The following SLC5A10 variants were observed in gnomAD, a reference collection of about 807,000 sequenced individuals.
SLC5A10 encodes sodium/mannose cotransporter SLC5A10.
SLC5A10 carries 55 observed loss-of-function variants against 68.9 expected under a neutral mutation model. The observed-to-expected ratio is 0.80, with a 90% CI of 0.64 to 1.00. The LOEUF is 1.00. Ranked by LOEUF, SLC5A10 falls within the 50% of genes least tolerant of loss-of-function variation. The pLI is 0.00. For synonymous variants in SLC5A10, 344 were observed against 344.8 expected, an observed-to-expected ratio of 1.00 and a Z score of 0.02; for missense variants, 732 against 819.3, an observed-to-expected ratio of 0.89 and a Z score of 1.30.
At chr17:19,020,280 C>A in intron 14 of SLC5A10, 45 bp from the exon 15 acceptor site, 2 of 1,613,594 alleles carry the variant, frequency 1.2e-6, no homozygotes, top group Non-Finnish European at 1.7e-6. Flanking sequence ...CCAGGTGTAA[C>A]CTTGTGTCCT....
At chr17:18,990,604 A>G (rs1229712365) in intron 9 of SLC5A10, among the ~76,000 whole-genome samples, 1 of 152,124 alleles carries the variant, frequency 6.6e-6, no homozygotes, top group Non-Finnish European at 1.5e-5. Context: ...CACTCCCCAC[A>G]TTGCCCTCAG....
In SLC5A10 at chr17:18,971,470, G is replaced by A; in HGVS notation, c.846+252G>A. The A allele has an allele frequency of 3.1e-6, 5 of 1,614,048 alleles. No individual in the cohort carries two copies. The highest frequency in any genetic ancestry group is 4.2e-6 in the Non-Finnish European group (5 of 1,180,042). ...GGTGCTTCGACTGAGACAGTTTGGA[G>A]TATGGGATTCCGAAGGGACTCGGAT... On this transcript the variant is annotated intron_variant, in intron 8 of 14. Coordinates refer to ENST00000395645, the MANE Select transcript of SLC5A10 (RefSeq NM_001042450.4). The surrounding 1 kb of genome is among the most constrained non-coding windows in gnomAD (Gnocchi z 5.5).
At chr17:18,995,678 C>T (rs193199693) in intron 9 of SLC5A10, among the ~76,000 whole-genome samples, 111 of 152,202 alleles carry the variant, frequency 7.3e-4, no homozygotes, top group African/African-American at 2.3e-3. Flanking sequence ...GAGGCAGAGG[C>T]GGGTGGATCA....
intron 9 of SLC5A10, among the ~76,000 whole-genome samples, chr17:19,001,440 C>T (rs2152141364): frequency 6.6e-6 from 1 of 152,268 alleles, no homozygotes; most frequent in East Asian, 1.9e-4. Context: ...GCAGTGAGTG[C>T]CCCATCCTGA....
At chr17:19,015,879 G>A (rs1290297098) in intron 11 of SLC5A10, among the ~76,000 whole-genome samples, 1 of 152,216 alleles carries the variant, frequency 6.6e-6, no homozygotes, top group African/African-American at 2.4e-5. Flanking sequence ...GACCGGGGCT[G>A]TGTCTGGAGA....
chr17:19,020,213 G>A lies in SLC5A10; in HGVS notation c.1684+1G>A. 3 of 1,613,796 alleles carry A rather than the reference G, an allele frequency of 1.9e-6. No individual in the cohort carries two copies. Among genetic ancestry groups the A allele is most frequent in the Non-Finnish European group, 2.5e-6 (3 of 1,179,936 alleles). ...GATGTGCCCTTGGGAACTAAAGCAG[G>A]TAAGTGGATGACCCTAGGCACTCCT... On this transcript the variant is annotated splice_donor_variant, in intron 14 of 14. Coordinates refer to ENST00000395645, the MANE Select transcript of SLC5A10 (RefSeq NM_001042450.4). LOFTEE classifies it high-confidence loss of function.
chr17:18,967,282 TCCTGCCGTTCCTGCA>T (rs1335105687), intron 5 of SLC5A10, among the ~76,000 whole-genome samples: 1 of 152,152 alleles, frequency 6.6e-6, no homozygotes. Context: ...ACACCCTTGC[TCCTGCCGTTCCTGCA>T]CCTGCGGGAC....
Position 18,968,604 on chromosome 17 carries a change from T to C in SLC5A10, c.454-448T>C, listed in dbSNP as rs570530421. 9.9e-4 allele frequency among the ~76,000 whole-genome samples: 150 copies of C among 151,930 alleles called. No homozygotes were observed. The highest frequency in any genetic ancestry group is 3.4e-3 in the African/African-American group (139 of 41,184). On this transcript the variant is annotated intron_variant, in intron 5 of 14. Transcript: ENST00000395645. This position sits in a 1 kb window ranked among gnomAD's most constrained non-coding sequence, Gnocchi z 4.1. ...GGCAGGAAGCAAGGCTGCCCCTCTGTTTCCTGGTCCGCCCAGCACACACTT... is the reference window on the plus strand; with the variant it reads ...GGCAGGAAGCAAGGCTGCCCCTCTGCTTCCTGGTCCGCCCAGCACACACTT...
chr17:19,003,480 T>G lies in SLC5A10; in HGVS notation c.983-9930T>G, dbSNP rs2043785858. ...CCTGTATTGAGAGGGGTCCGGTGGCTGGTTGGGCCATGGCTCCAGGAGTCC... is the reference window on the plus strand; with the variant it reads ...CCTGTATTGAGAGGGGTCCGGTGGCGGGTTGGGCCATGGCTCCAGGAGTCC... On this transcript the variant is annotated intron_variant, in intron 9 of 14. Transcript: ENST00000395645. The surrounding 1 kb of genome is among the most constrained non-coding windows in gnomAD (Gnocchi z 4.5). 6.7e-7 allele frequency: 1 copy of G among 1,501,204 alleles called. No homozygotes were observed. The highest frequency in any genetic ancestry group is 2.4e-5 in the East Asian group (1 of 42,340). The allele number at this position is 1,501,204 out of a possible 1,614,324, so 93.0% of individuals were successfully genotyped here.
chr17:19,016,639 G>A (rs1230868790), intron 11 of SLC5A10, among the ~76,000 whole-genome samples: 1 of 152,140 alleles, frequency 6.6e-6, no homozygotes, highest in Non-Finnish European at 1.5e-5. Flanking sequence ...GCGGGTGCGA[G>A]TGAGCTCATC....
At chr17:18,990,340 G>T (rs2043383628) in intron 9 of SLC5A10, among the ~76,000 whole-genome samples, 1 of 152,084 alleles carries the variant, frequency 6.6e-6, no homozygotes, top group South Asian at 2.1e-4. Context: ...GGGCAGGGGT[G>T]TGTGGTGGTA....
rs1597895482 is a variant in SLC5A10 at position 19,003,628 on chromosome 17, G to A, written c.983-9782G>A. 6 of 1,612,244 alleles carry A rather than the reference G, an allele frequency of 3.7e-6. No homozygotes were observed. Among genetic ancestry groups the A allele is most frequent in the Middle Eastern group, 1.7e-4 (1 of 6,060 alleles). ...CCCGGGTCACGCCGCGGTAGGCGAT[G>A]GTGTCGGGCCAGCCCAGGTCCAGCT... On this transcript the variant is annotated intron_variant, in intron 9 of 14. Coordinates refer to ENST00000395645, the MANE Select transcript of SLC5A10 (RefSeq NM_001042450.4). The surrounding 1 kb of genome is among the most constrained non-coding windows in gnomAD (Gnocchi z 4.5).
chr17:18,978,900 C>A, intron 9 of SLC5A10: 1 of 1,590,816 alleles, frequency 6.3e-7, no homozygotes, highest in Non-Finnish European at 8.6e-7. Flanking sequence ...CTGCTTCCTC[C>A]GCCCAGCCCC....
intron 9 of SLC5A10, among the ~76,000 whole-genome samples, chr17:18,980,833 C>CCTGAGGT (rs982874666): frequency 2.6e-5 from 4 of 152,124 alleles, no homozygotes; most frequent in African/African-American, 9.7e-5. Flanking sequence ...ACTCAGGAGG[C>CCTGAGGT]CTGAGGTCAG....
Position 19,019,750 on chromosome 17 carries a change from G to T in SLC5A10, c.1448G>T (p.Gly483Val). 1 of 1,612,284 alleles carries T rather than the reference G, an allele frequency of 6.2e-7. No individual in the cohort carries two copies. The highest frequency in any genetic ancestry group is 8.5e-7 in the Non-Finnish European group (1 of 1,179,738). Residue 483 changes from glycine (G) to valine (V), a missense_variant, in exon 13 of 15, where the codon GGG becomes GTG. Coordinates refer to ENST00000395645, the MANE Select transcript of SLC5A10 (RefSeq NM_001042450.4). ...FWGLIAGLVVGATRLVLEFLN... is the reference protein window; with the variant it reads ...FWGLIAGLVVVATRLVLEFLN... ...GGCCTGATAGCAGGGCTGGTGGTGG[G>T]GGCCACGAGGCTGGTCCTGGAATTC...
At chr17:18,995,125 A>G (rs1200063009) in intron 9 of SLC5A10, among the ~76,000 whole-genome samples, 1 of 152,242 alleles carries the variant, frequency 6.6e-6, no homozygotes, top group Non-Finnish European at 1.5e-5. Context: ...ATTAAAAATT[A>G]CCAGACACAC....
At chr17:19,008,949 C>T (rs749613635) in intron 9 of SLC5A10, among the ~76,000 whole-genome samples, 17 of 151,796 alleles carry the variant, frequency 1.1e-4, no homozygotes, top group Non-Finnish European at 2.5e-4. Flanking sequence ...GTAGCTGGGA[C>T]TACAGGTGCG....
chr17:18,978,506 T>A, intron 9 of SLC5A10: 3 of 1,613,144 alleles, frequency 1.9e-6, no homozygotes, highest in Non-Finnish European at 2.5e-6. Context: ...CTCGGGGAGT[T>A]CCCCTGGATG....
In SLC5A10 at chr17:19,017,181, C is replaced by A; in HGVS notation, c.1241+1982C>A. 1.9e-6 allele frequency: 2 copies of A among 1,067,176 alleles called. No homozygotes were observed. Among genetic ancestry groups the A allele is most frequent in the South Asian group, 1.5e-5 (1 of 66,710 alleles). 66.1% of individuals were successfully genotyped at this position (1,067,176 alleles called of 1,614,324 possible). A position where few individuals can be genotyped will look rare whatever the true frequency, so the allele number is the denominator to read the frequency against. ...TGCGTGGTGCAGGGCAGGTTGCTCACCCTCTCTGGGCCCCAGTTCTCTCAG... is the reference window on the plus strand; with the variant it reads ...TGCGTGGTGCAGGGCAGGTTGCTCAACCTCTCTGGGCCCCAGTTCTCTCAG... On this transcript the variant is annotated intron_variant, in intron 11 of 14. Coordinates refer to ENST00000395645, the MANE Select transcript of SLC5A10 (RefSeq NM_001042450.4). The surrounding 1 kb of genome is among the most constrained non-coding windows in gnomAD (Gnocchi z 5.6).
Sources: gnomAD v4.1 joint callset for allele counts (sites outside exome capture counted in the v4.1 genomes callset) on GRCh38, gnomAD v4.1.1 for gene constraint, Gnocchi (gnomAD v3.1) non-coding constraint, MANE v1.5 for transcripts, NCBI Gene and HGNC (gene_info 2026-07-23, HGNC 2026-07-21) for gene names.